The following UGGT2 variants were observed in gnomAD, a reference collection of about 807,000 sequenced individuals.
UGGT2 encodes the protein UDP-glucose glycoprotein glucosyltransferase 2, also known as UDP-glucose:glycoprotein glucosyltransferase 2.
In UGGT2, 180 loss-of-function variants were observed where a neutral mutation model predicts 192.1. That is an observed-to-expected ratio of 0.94 (90% CI 0.83 to 1.06). The LOEUF (loss-of-function observed/expected upper bound fraction) is 1.06. Ranked by LOEUF, UGGT2 falls within the 50% of genes least tolerant of loss-of-function variation. The pLI is 0.00. For synonymous variants in UGGT2, 580 were observed against 591.0 expected (o/e 0.98, Z 0.27); for missense variants, 1,849 against 1,795.7 (o/e 1.03, Z -0.54).
chr13:95,808,101 C>T (rs1037933473), intron 38 of UGGT2, among the ~76,000 whole-genome samples: 1 of 151,968 alleles, frequency 6.6e-6, no homozygotes, highest in Non-Finnish European at 1.5e-5. Flanking sequence ...AGAGCATTGC[C>T]CAATATCAAA....
chr13:95,805,353 A>G (rs1884253594), intron 38 of UGGT2, among the ~76,000 whole-genome samples: 1 of 152,044 alleles, frequency 6.6e-6, no homozygotes, highest in South Asian at 2.1e-4. Flanking sequence ...ATGGGAGTGT[A>G]AAATAATGCA....
intron 31 of UGGT2, 128 bp downstream of exon 31, chr13:95,863,501 G>A: frequency 2.9e-6 from 2 of 678,994 alleles, no homozygotes; most frequent in Non-Finnish European, 5.2e-6. Context: ...TAACATTTAT[G>A]TATTTATCTT....
At chr13:95,850,062 G>T (rs1316500690) in intron 36 of UGGT2, among the ~76,000 whole-genome samples, 1 of 150,680 alleles carries the variant, frequency 6.6e-6, no homozygotes, top group Non-Finnish European at 1.5e-5. Flanking sequence ...ACCTTACTTT[G>T]GTTTTAACTG....
chr13:95,900,842 G>T lies in UGGT2; in HGVS notation c.2599C>A (p.Arg867Ser). Residue 867 changes from arginine to serine, a missense_variant, in exon 22 of 39, where the codon CGT (arginine) becomes AGT (serine). Physicochemically the swap from Arg to Ser is moderately radical, Grantham distance 110 (BLOSUM62 -1). Transcript: ENST00000376747. ...QLFCQDVLKL[R>S]PGEMGIVSNG... ...CTGACAATACCCATTTCTCCAGGAC[G>T]TAATTTAAGTACATCTTGACAGAAC... The T allele has an allele frequency of 6.2e-7, 1 of 1,611,300 alleles. No individual in the cohort carries two copies.
chr13:95,856,352 C>A lies in UGGT2; in HGVS notation c.3826-12G>T. On this transcript the variant is annotated splice_polypyrimidine_tract_variant and intron_variant, in intron 33 of 38. Coordinates refer to ENST00000376747, the MANE Select transcript of UGGT2 (RefSeq NM_020121.4). ...TGAGGAATTACTTCCTAAAAACACACACACAAAATCAAACAATATGTTCAA... is the reference window on the plus strand; with the variant it reads ...TGAGGAATTACTTCCTAAAAACACAAACACAAAATCAAACAATATGTTCAA... 6.3e-7 allele frequency: 1 copy of A among 1,593,984 alleles called. No individual in the cohort carries two copies. Among genetic ancestry groups the A allele is most frequent in the Non-Finnish European group, 8.5e-7 (1 of 1,175,534 alleles).
chr13:95,847,669 G>A (rs1425263348), intron 36 of UGGT2, among the ~76,000 whole-genome samples: 3 of 152,062 alleles, frequency 2.0e-5, no homozygotes, highest in Admixed American at 2.0e-4. Context: ...AATATTCCAT[G>A]GTCTGGATGT....
chr13:95,844,495 A>G (rs561025812), intron 36 of UGGT2, among the ~76,000 whole-genome samples: 3 of 152,320 alleles, frequency 2.0e-5, no homozygotes, highest in Non-Finnish European at 4.4e-5. Context: ...ATCTCTCAGC[A>G]GTTTTGTAGT....
At chr13:95,867,592 T>C (rs964329138) in intron 29 of UGGT2, among the ~76,000 whole-genome samples, 169 bp from the exon 30 acceptor site, 2 of 152,124 alleles carry the variant, frequency 1.3e-5, no homozygotes, top group Non-Finnish European at 2.9e-5. Flanking sequence ...TATGCTGTAA[T>C]TTTCAAAATT....
At chr13:95,807,454 G>T (rs1211707973) in intron 38 of UGGT2, among the ~76,000 whole-genome samples, 2 of 152,108 alleles carry the variant, frequency 1.3e-5, no homozygotes, top group African/African-American at 2.4e-5. Flanking sequence ...TCTGCTGTTT[G>T]CTTTAGTTTC....
chr13:95,953,258 T>C (rs1838991000), intron 12 of UGGT2, among the ~76,000 whole-genome samples: 1 of 152,230 alleles, frequency 6.6e-6, no homozygotes, highest in Non-Finnish European at 1.5e-5. Context: ...TTTGTTCCCT[T>C]CATGCTACGT....
intron 20 of UGGT2, among the ~76,000 whole-genome samples, chr13:95,911,610 A>C (rs1475613884): frequency 6.6e-6 from 1 of 152,188 alleles, no homozygotes; most frequent in Non-Finnish European, 1.5e-5. Context: ...ACCAACTAAA[A>C]AAAGTCCAGG....
At chr13:95,833,770 G>C (rs1886982159) in intron 37 of UGGT2, among the ~76,000 whole-genome samples, 1 of 152,156 alleles carries the variant, frequency 6.6e-6, no homozygotes, top group African/African-American at 2.4e-5. Context: ...AGTACCTTTG[G>C]CTTGAGCAAT....
At chr13:95,980,051 G>A (rs2051067013) in intron 10 of UGGT2, among the ~76,000 whole-genome samples, 1 of 152,180 alleles carries the variant, frequency 6.6e-6, no homozygotes, top group Non-Finnish European at 1.5e-5. Flanking sequence ...TGGTGGGAAT[G>A]TAAACTAGTA....
chr13:95,848,150 T>C (rs1239461597), intron 36 of UGGT2, among the ~76,000 whole-genome samples: 1 of 152,218 alleles, frequency 6.6e-6, no homozygotes. Context: ...CTAAATTTGG[T>C]TTGTTTTCTG....
At chr13:95,851,783 G>A (rs576689460) in intron 36 of UGGT2, among the ~76,000 whole-genome samples, 12 of 152,282 alleles carry the variant, frequency 7.9e-5, no homozygotes, top group Non-Finnish European at 5.9e-5. Flanking sequence ...GTAGTACTGG[G>A]AGAACACCTC....
chr13:95,940,063 T>G lies in UGGT2; in HGVS notation c.1706A>C (p.Asn569Thr). The G allele has an allele frequency of 6.5e-7, 1 of 1,546,442 alleles. No individual in the cohort carries two copies. Among genetic ancestry groups the G allele is most frequent in the South Asian group, 1.2e-5 (1 of 80,878 alleles). The change falls in exon 16 of 39, where the codon AAT becomes ACT. Residue 569 changes from asparagine (N) to threonine (T), a missense_variant. Physicochemically the swap from Asn to Thr is moderately conservative, Grantham distance 65. Transcript: ENST00000376747. The stretch of plus-strand genomic sequence containing the variant: ...CTTCACATTGTCCACAGTGAGTATA[T>G]TTTGATCCTTCTTCACTTTTTGGTA... ...HMYQKVKKDQNILTVDNVKSV... is the reference protein window; with the variant it reads ...HMYQKVKKDQTILTVDNVKSV...
At chr13:95,843,100 G>A (rs895925115) in intron 36 of UGGT2, among the ~76,000 whole-genome samples, 5 of 152,140 alleles carry the variant, frequency 3.3e-5, no homozygotes, top group African/African-American at 1.2e-4. Flanking sequence ...GCATTTGTGT[G>A]GCCAGGTACT....
At chr13:95,922,549 C>T (rs1038287591) in intron 20 of UGGT2, among the ~76,000 whole-genome samples, 30 of 152,182 alleles carry the variant, frequency 2.0e-4, no homozygotes, top group Admixed American at 6.5e-5. Flanking sequence ...TGGCCAGGCA[C>T]AGTGGCTCAC....
At chr13:95,911,651 G>T (rs1476058289) in intron 20 of UGGT2, among the ~76,000 whole-genome samples, 1 of 152,130 alleles carries the variant, frequency 6.6e-6, no homozygotes, top group African/African-American at 2.4e-5. Context: ...AATTCTACAA[G>T]AGGTACAAAG....
Sources: allele counts gnomAD v4.1 joint callset (sites outside exome capture counted in the v4.1 genomes callset), GRCh38; gene constraint gnomAD v4.1.1; transcripts MANE v1.5; gene names NCBI Gene and HGNC (gene_info 2026-07-23, HGNC 2026-07-21).